ACSS3: variants seen among roughly 807,000 people sequenced by gnomAD.
ACSS3 encodes the protein acyl-CoA synthetase short-chain family member 3, mitochondrial.
ACSS3 carries 64 observed loss-of-function variants against 84.2 expected under a neutral mutation model. The observed-to-expected ratio is 0.76, with a 90% CI of 0.62 to 0.94. The LOEUF is 0.94. Ranked by LOEUF, ACSS3 falls within the 40% of genes least tolerant of loss-of-function variation. ACSS3 has a pLI of 0.00. For synonymous variants in ACSS3, 317 were observed against 310.1 expected (o/e 1.02, Z -0.23); for missense variants, 815 against 867.6 (o/e 0.94, Z 0.76).
At chr12:81,192,741 C>T (rs2031635849) in intron 8 of ACSS3, among the ~76,000 whole-genome samples, 1 of 152,164 alleles carries the variant, frequency 6.6e-6, no homozygotes, top group Non-Finnish European at 1.5e-5. Flanking sequence ...TGTCAGTCAG[C>T]CACATAGTTT....
intron 7 of ACSS3, among the ~76,000 whole-genome samples, chr12:81,163,646 C>G (rs1887262255): frequency 6.6e-6 from 1 of 152,136 alleles, no homozygotes; most frequent in Admixed American, 6.5e-5. Flanking sequence ...TATGCTTGCC[C>G]TAGTAGAGCT....
intron 2 of ACSS3, among the ~76,000 whole-genome samples, chr12:81,126,455 C>T (rs1341919079): frequency 3.9e-5 from 6 of 152,242 alleles, no homozygotes; most frequent in African/African-American, 1.2e-4. Context: ...TTCTCCTTGA[C>T]GTAGAATTAT....
intron 8 of ACSS3, among the ~76,000 whole-genome samples, chr12:81,179,467 C>T (rs1289194080): frequency 6.6e-6 from 1 of 151,796 alleles, no homozygotes; most frequent in African/African-American, 2.4e-5. Flanking sequence ...ATATAAGGAG[C>T]TTAAACAATT....
Position 81,135,009 on chromosome 12 carries a change from G to C in ACSS3, c.645+5G>C. Reference sequence around the variant, plus strand: ...AGTCGCATTGATCATGTAAAGGTAAGTGCTTTATTTTGGGAAATCAAGTAG... The same window carrying C: ...AGTCGCATTGATCATGTAAAGGTAACTGCTTTATTTTGGGAAATCAAGTAG... On this transcript the variant is annotated splice_donor_5th_base_variant and intron_variant, in intron 3 of 15. Coordinates refer to ENST00000548058, the MANE Select transcript of ACSS3 (RefSeq NM_024560.4). The C allele has an allele frequency of 6.4e-7, 1 of 1,570,368 alleles. No homozygotes were observed. The highest frequency in any genetic ancestry group is 1.4e-5 in the African/African-American group (1 of 74,046).
intron 13 of ACSS3, among the ~76,000 whole-genome samples, chr12:81,250,302 T>C (rs2034111007): frequency 6.6e-6 from 1 of 152,128 alleles, no homozygotes; most frequent in South Asian, 2.1e-4. Flanking sequence ...CCTTCCTTTA[T>C]GGCATTTTAA....
chr12:81,241,912 G>A (rs569186475), intron 13 of ACSS3, among the ~76,000 whole-genome samples: 2,998 of 152,030 alleles, frequency 0.02, 100 homozygotes, highest in African/African-American at 0.068. Context: ...GTTCTTGCCC[G>A]TGCCTATGTC....
chr12:81,092,406 A>G (rs1881728077), intron 1 of ACSS3, among the ~76,000 whole-genome samples: 1 of 152,140 alleles, frequency 6.6e-6, no homozygotes. Context: ...TGGATTATCT[A>G]GTTATTATTT....
intron 1 of ACSS3, among the ~76,000 whole-genome samples, chr12:81,078,930 C>G (rs923886140): frequency 1.3e-5 from 2 of 152,172 alleles, no homozygotes; most frequent in African/African-American, 4.8e-5. Flanking sequence ...TATCAAAGTT[C>G]TAGAGGTGAA....
chr12:81,220,345 G>A (rs2033062380), intron 11 of ACSS3, among the ~76,000 whole-genome samples: 1 of 151,832 alleles, frequency 6.6e-6, no homozygotes, highest in Admixed American at 6.6e-5. Context: ...AGATGATAAA[G>A]TTAACTTACA....
At chr12:81,245,168 A>G (rs909721745) in intron 13 of ACSS3, among the ~76,000 whole-genome samples, 5 of 152,132 alleles carry the variant, frequency 3.3e-5, no homozygotes, top group Admixed American at 2.0e-4. Flanking sequence ...TTCCCCTCTT[A>G]AAATAGGATG....
At chr12:81,233,220 CTAGTT>C (rs1371448204) in intron 12 of ACSS3, 124 bp from the exon 13 acceptor site, 17 of 984,208 alleles carry the variant, frequency 1.7e-5, no homozygotes, top group Non-Finnish European at 2.5e-5. Flanking sequence ...ATTTCCTAGT[CTAGTT>C]ACGAAAAACG....
chr12:81,121,266 C>T (rs748499467), intron 2 of ACSS3, among the ~76,000 whole-genome samples: 2 of 152,130 alleles, frequency 1.3e-5, no homozygotes, highest in Non-Finnish European at 2.9e-5. Context: ...TATGTACTGC[C>T]GGTGGAAGTG....
chr12:81,089,615 G>A (rs1347659510), intron 1 of ACSS3, among the ~76,000 whole-genome samples: 2 of 152,032 alleles, frequency 1.3e-5, no homozygotes, highest in Admixed American at 6.6e-5. Flanking sequence ...GTAATAGAAT[G>A]AGAAGGAAAC....
At chr12:81,190,088 TTATC>T (rs1298721514) in intron 8 of ACSS3, among the ~76,000 whole-genome samples, 2 of 152,168 alleles carry the variant, frequency 1.3e-5, no homozygotes, top group Non-Finnish European at 2.9e-5. Flanking sequence ...TAACAGATCT[TTATC>T]TACTATTAAT....
chr12:81,222,562 T>G (rs180763963), intron 11 of ACSS3, among the ~76,000 whole-genome samples: 57 of 152,278 alleles, frequency 3.7e-4, no homozygotes, highest in African/African-American at 1.3e-3. Flanking sequence ...ATTTAACATC[T>G]ATAACATTTC....
chr12:81,201,291 T>C (rs900520031), intron 9 of ACSS3, among the ~76,000 whole-genome samples: 4 of 152,226 alleles, frequency 2.6e-5, no homozygotes, highest in African/African-American at 9.6e-5. Context: ...TAATTTCTCT[T>C]ATCTGTTCAA....
At chr12:81,164,584 T>C (rs1465122166) in intron 7 of ACSS3, among the ~76,000 whole-genome samples, 1 of 152,198 alleles carries the variant, frequency 6.6e-6, no homozygotes, top group Non-Finnish European at 1.5e-5. Context: ...TTTAATACTC[T>C]TGCTAAATTA....
chr12:81,181,869 A>T (rs1161142734), intron 8 of ACSS3, among the ~76,000 whole-genome samples: 1 of 151,974 alleles, frequency 6.6e-6, no homozygotes, highest in Non-Finnish European at 1.5e-5. Flanking sequence ...AGGAAAAAAT[A>T]AAAAAAGAAT....
At chr12:81,190,862 T>C (rs777201080) in intron 8 of ACSS3, among the ~76,000 whole-genome samples, 12 of 152,092 alleles carry the variant, frequency 7.9e-5, no homozygotes, top group Non-Finnish European at 7.4e-5. Flanking sequence ...CCCCCTCTTA[T>C]TGTATTAGGA....
Sources: allele counts gnomAD v4.1 joint callset (sites outside exome capture counted in the v4.1 genomes callset), GRCh38; gene constraint gnomAD v4.1.1; transcripts MANE v1.5; gene names NCBI Gene and HGNC (gene_info 2026-07-23, HGNC 2026-07-21).